Variants in NRCAM observed in about 807,000 individuals in gnomAD.
NRCAM encodes the protein neuronal cell adhesion molecule.
Under a neutral mutation model 156.5 loss-of-function variants are expected in NRCAM, and 83 were observed. That is an observed-to-expected ratio of 0.53 (90% confidence interval 0.44 to 0.64). The LOEUF is 0.64. NRCAM is among the 30% of genes least tolerant of loss of function. NRCAM has a pLI of 0.00. For synonymous variants in NRCAM, 538 were observed against 563.9 expected (o/e 0.95, Z 0.65); for missense variants, 1,417 against 1,597.3 (o/e 0.89, Z 1.92).
chr7:108,305,557 T>TG (rs2098703427), intron 3 of NRCAM, among the ~76,000 whole-genome samples: 1 of 152,230 alleles, frequency 6.6e-6, no homozygotes, highest in Non-Finnish European at 1.5e-5. Flanking sequence ...TTCTCCGTGT[T>TG]GGACTGTCCT....
At chr7:108,329,818 T>C (rs1374694249) in intron 2 of NRCAM, among the ~76,000 whole-genome samples, 1 of 152,196 alleles carries the variant, frequency 6.6e-6, no homozygotes, top group Non-Finnish European at 1.5e-5. Flanking sequence ...CTGGCTCCTA[T>C]CTCTGCACAT....
rs190276747 is a variant in NRCAM, at chr7:108,221,472, G to A, written c.890+2253C>T. On this transcript the variant is annotated intron_variant, in intron 11 of 32. Transcript: ENST00000379028. ...CCAAATGCCCATCAATCAACAAGTG[G>A]ATAAAGAAACTGTGGTATATATATA... Among the ~76,000 whole-genome samples the A allele has an allele frequency of 2.2e-3, 329 of 152,192 alleles. 1 individual carries two copies. The highest frequency in any genetic ancestry group is 7.6e-3 in the African/African-American group (317 of 41,468).
rs185276389 is a variant in NRCAM, at chr7:108,168,089, C to T, written c.3313+188G>A. ...CTCTGTTATTAATAACATAAAAAAGCAATTCCTAGTCGTGCATATAATATG... is the reference window on the plus strand; with the variant it reads ...CTCTGTTATTAATAACATAAAAAAGTAATTCCTAGTCGTGCATATAATATG... On this transcript the variant is annotated intron_variant, in intron 29 of 32. Transcript: ENST00000379028. Among the ~76,000 whole-genome samples the T allele has an allele frequency of 4.6e-5, 7 of 152,244 alleles. 1 individual carries two copies. In the East Asian group the frequency reaches 1.2e-3, roughly 25 times the overall value.
chr7:108,370,412 C>T (rs891407638), intron 2 of NRCAM, among the ~76,000 whole-genome samples: 3 of 151,968 alleles, frequency 2.0e-5, no homozygotes, highest in Non-Finnish European at 2.9e-5. Context: ...TCATGTATTA[C>T]CAAAAGACTG....
intron 3 of NRCAM, among the ~76,000 whole-genome samples, chr7:108,268,636 T>TGGGGG (rs1300340254): frequency 9.4e-4 from 8 of 8,502 alleles, no homozygotes; most frequent in South Asian, 4.1e-3. Flanking sequence ...GGGGGGGGGT[T>TGGGGG]GGGGGGGGCG....
At chr7:108,263,834 A>G (rs2096976188) in intron 3 of NRCAM, among the ~76,000 whole-genome samples, 1 of 152,214 alleles carries the variant, frequency 6.6e-6, no homozygotes, top group Non-Finnish European at 1.5e-5. Context: ...AGCAATCTGA[A>G]GAGTTCTTGA....
chr7:108,392,902 T>C (rs2099765168), intron 2 of NRCAM, among the ~76,000 whole-genome samples: 1 of 152,204 alleles, frequency 6.6e-6, no homozygotes, highest in Non-Finnish European at 1.5e-5. Context: ...ACAGCAAATG[T>C]TGCTGCCTCA....
At chr7:108,384,729 T>G (rs2099734136) in intron 2 of NRCAM, among the ~76,000 whole-genome samples, 1 of 152,222 alleles carries the variant, frequency 6.6e-6, no homozygotes, top group Admixed American at 6.5e-5. Context: ...ACAACTTTGC[T>G]TTCTAACAAG....
intron 2 of NRCAM, among the ~76,000 whole-genome samples, chr7:108,391,019 T>C (rs1171614968): frequency 6.6e-6 from 1 of 152,144 alleles, no homozygotes; most frequent in Non-Finnish European, 1.5e-5. Context: ...GGAATAGGTG[T>C]GGTGTGGTGC....
At chr7:108,405,340 C>T (rs1399571211) in intron 1 of NRCAM, among the ~76,000 whole-genome samples, 3 of 152,178 alleles carry the variant, frequency 2.0e-5, no homozygotes, top group Non-Finnish European at 2.9e-5. Flanking sequence ...AACATGTTTT[C>T]GGGTATGAAA....
At chr7:108,214,780 G>A (rs1289557872) in intron 11 of NRCAM, among the ~76,000 whole-genome samples, 1 of 152,154 alleles carries the variant, frequency 6.6e-6, no homozygotes, top group East Asian at 1.9e-4. Context: ...GCTGTACATT[G>A]TGATCCTGGT....
At chr7:108,393,549 C>T (rs2099768078) in intron 2 of NRCAM, among the ~76,000 whole-genome samples, 1 of 152,112 alleles carries the variant, frequency 6.6e-6, no homozygotes, top group African/African-American at 2.4e-5. Context: ...GGTGATGCCT[C>T]ACCTTGCTTC....
At chr7:108,217,292 G>C (rs1331008549) in intron 11 of NRCAM, among the ~76,000 whole-genome samples, 2 of 152,182 alleles carry the variant, frequency 1.3e-5, no homozygotes, top group East Asian at 3.9e-4. Context: ...TCCTCTGGAT[G>C]CTTCATCCCA....
intron 3 of NRCAM, among the ~76,000 whole-genome samples, chr7:108,283,101 C>T (rs1484591829): frequency 2.0e-5 from 3 of 152,126 alleles, no homozygotes; most frequent in African/African-American, 4.8e-5. Context: ...AGAAAATGAA[C>T]AAACAATGTA....
intron 1 of NRCAM, among the ~76,000 whole-genome samples, chr7:108,448,895 C>A (rs374793310): frequency 6.6e-6 from 1 of 152,100 alleles, no homozygotes; most frequent in African/African-American, 2.4e-5. Flanking sequence ...AATCTGTGGA[C>A]AACACCACAA....
chr7:108,453,207 T>C (rs1852505788), intron 1 of NRCAM, among the ~76,000 whole-genome samples: 1 of 152,040 alleles, frequency 6.6e-6, no homozygotes, highest in Admixed American at 6.6e-5. Flanking sequence ...TCCTGTAGAG[T>C]TCCATTCAAC....
intron 19 of NRCAM, among the ~76,000 whole-genome samples, chr7:108,190,285 G>C (rs1047731884): frequency 6.6e-6 from 1 of 152,182 alleles, no homozygotes; most frequent in Admixed American, 6.5e-5. Context: ...ATGCATAAGT[G>C]TGTTTACTCC....
intron 13 of NRCAM, among the ~76,000 whole-genome samples, chr7:108,198,563 C>T (rs1448620501): frequency 2.0e-5 from 3 of 151,984 alleles, no homozygotes; most frequent in Non-Finnish European, 2.9e-5. Flanking sequence ...GAAAACATTG[C>T]CGTGTTCAAG....
intron 3 of NRCAM, among the ~76,000 whole-genome samples, chr7:108,250,425 C>CAAAA (rs34274206): frequency 2.5e-3 from 168 of 67,262 alleles, no homozygotes; most frequent in Middle Eastern, 0.017. Flanking sequence ...CATCTTACCT[C>CAAAA]AAAAAAAAAA....
Sources: allele counts gnomAD v4.1 joint callset (sites outside exome capture counted in the v4.1 genomes callset), GRCh38; gene constraint gnomAD v4.1.1; transcripts MANE v1.5; gene names NCBI Gene and HGNC (gene_info 2026-07-23, HGNC 2026-07-21).